PDE4D: variants seen among roughly 807,000 people sequenced by gnomAD.
PDE4D encodes the protein phosphodiesterase 4D, also known as 3',5'-cyclic-AMP phosphodiesterase 4D.
PDE4D carries 24 observed loss-of-function variants against 87.4 expected under a neutral mutation model. The ratio of observed to expected loss-of-function variants is 0.27; its 90% CI spans 0.20 to 0.39. The LOEUF is 0.39. Among genes scored for constraint, PDE4D ranks in the 10% least tolerant of loss-of-function variants. The probability of loss-of-function intolerance (pLI) is 1.00; values close to 1 mark genes in which losing one functional copy is unlikely to be tolerated. For missense variants in PDE4D, 714 were observed against 1,041.0 expected (o/e 0.69, Z 4.32); for synonymous variants, 384 against 383.2 (o/e 1.00, Z -0.02).
rs528280687 is a variant in PDE4D at position 60,186,629 on chromosome 5, T to A, written c.-89-942A>T. ...TGATATTGCAGGTTTAGGCTAATAG[T>A]GTAGGTGTAGGCTGATGCTAACAGC... is the stretch of plus-strand genomic sequence containing the variant. On this transcript the variant is annotated intron_variant, in intron 1 of 16. Coordinates refer to the PDE4D transcript ENST00000502484. Among the ~76,000 whole-genome samples, 152 of 152,152 alleles carry A rather than the reference T, an allele frequency of 1.0e-3. 1 individual carries two copies. Among genetic ancestry groups the A allele is most frequent in the Non-Finnish European group, 2.2e-4 (15 of 67,964 alleles).
chr5:59,022,811 T>C (rs569847916), intron 6 of PDE4D, among the ~76,000 whole-genome samples: 3 of 152,332 alleles, frequency 2.0e-5, no homozygotes, highest in Admixed American at 6.5e-5. Flanking sequence ...TTTGCTGAAA[T>C]TGCTCTTGCT....
chr5:59,798,368 T>C (rs1176700338), intron 1 of PDE4D, among the ~76,000 whole-genome samples: 1 of 152,082 alleles, frequency 6.6e-6, no homozygotes, highest in Non-Finnish European at 1.5e-5. Flanking sequence ...AAAAAATTTT[T>C]TTTAAAAGCT....
chr5:59,958,918 G>A (rs1037397732), intron 3 of PDE4D, among the ~76,000 whole-genome samples: 3 of 152,112 alleles, frequency 2.0e-5, no homozygotes, highest in Non-Finnish European at 4.4e-5. Flanking sequence ...CTTTGCTGAC[G>A]ATGTGATCCT....
chr5:58,999,678 T>A, intron 6 of PDE4D: 3 of 1,109,908 alleles, frequency 2.7e-6, no homozygotes, highest in Non-Finnish European at 3.3e-6. Context: ...GGTAATTAAG[T>A]ATACATAAGA....
rs1799030139 is a variant in PDE4D, at chr5:59,450,782, T to C, written c.456-234814A>G. 1.3e-5 allele frequency among the ~76,000 whole-genome samples: 2 copies of C among 152,270 alleles called. 1 individual carries two copies. Among genetic ancestry groups the C allele is most frequent in the East Asian group, 3.9e-4 (2 of 5,184 alleles). On this transcript the variant is annotated intron_variant, in intron 1 of 14. Coordinates refer to ENST00000340635, the MANE Select transcript of PDE4D (RefSeq NM_001104631.2). ...CCACAGTCATCATTTCCATTTTCCC[T>C]CCTGTTACCAACTCGGGCAAATCCT...
chr5:59,766,561 G>A (rs1762821029), intron 1 of PDE4D, among the ~76,000 whole-genome samples: 1 of 152,198 alleles, frequency 6.6e-6, no homozygotes, highest in South Asian at 2.1e-4. Context: ...TCAAACAGCT[G>A]AGTTGAGGGC....
chr5:59,770,019 G>A (rs539347604), intron 1 of PDE4D, among the ~76,000 whole-genome samples: 1 of 152,168 alleles, frequency 6.6e-6, no homozygotes, highest in African/African-American at 2.4e-5. Context: ...AGAAGGACAG[G>A]GTCAACCACT....
intron 1 of PDE4D, among the ~76,000 whole-genome samples, chr5:60,188,845 C>A (rs182028175): frequency 6.6e-6 from 1 of 152,182 alleles, no homozygotes; most frequent in Non-Finnish European, 1.5e-5. Context: ...TCAAAATCCA[C>A]GTTTTTGTCT....
At chr5:60,219,515 A>G (rs2149592610) in intron 1 of PDE4D, among the ~76,000 whole-genome samples, 1 of 152,312 alleles carries the variant, frequency 6.6e-6, no homozygotes, top group South Asian at 2.1e-4. Flanking sequence ...TACGTGGGAT[A>G]CACCTAAGTT....
intron 1 of PDE4D, among the ~76,000 whole-genome samples, chr5:59,570,329 T>C (rs1004337282): frequency 3.9e-5 from 6 of 152,186 alleles, no homozygotes; most frequent in Admixed American, 3.3e-4. Context: ...TGCATTCCCA[T>C]GAGAAATATT....
intron 1 of PDE4D, among the ~76,000 whole-genome samples, chr5:59,355,312 T>C (rs745378748): frequency 7.9e-5 from 12 of 152,238 alleles, no homozygotes; most frequent in Non-Finnish European, 1.6e-4. Context: ...GCTTAAACTC[T>C]GCATTTCGTG....
intron 3 of PDE4D, among the ~76,000 whole-genome samples, chr5:59,960,940 C>T (rs1759401529): frequency 1.3e-5 from 2 of 152,096 alleles, no homozygotes; most frequent in South Asian, 4.1e-4. Flanking sequence ...ATTTAAATTG[C>T]AGTGCTCTAA....
At chr5:59,275,696 T>C in intron 1 of PDE4D, 1 of 1,097,670 alleles carries the variant, frequency 9.1e-7, no homozygotes, top group Non-Finnish European at 1.1e-6. Context: ...TCTGAATTGA[T>C]TCTTCATCTG....
At chr5:59,159,675 C>G (rs188162340) in intron 5 of PDE4D, among the ~76,000 whole-genome samples, 13 of 152,300 alleles carry the variant, frequency 8.5e-5, no homozygotes. Flanking sequence ...CTTGTAGGAT[C>G]TTGTTCACTT....
intron 3 of PDE4D, among the ~76,000 whole-genome samples, chr5:59,943,250 G>C (rs1757372849): frequency 6.6e-6 from 1 of 151,742 alleles, no homozygotes; most frequent in Non-Finnish European, 1.5e-5. Context: ...GAGGGTAAGT[G>C]ATTAGTCCCA....
At chr5:59,737,230 G>A (rs1758193064) in intron 1 of PDE4D, among the ~76,000 whole-genome samples, 1 of 152,142 alleles carries the variant, frequency 6.6e-6, no homozygotes, top group African/African-American at 2.4e-5. Context: ...TCCTGGAAGT[G>A]AGGGCATTTG....
chr5:59,725,366 C>T (rs1756450910), intron 1 of PDE4D, among the ~76,000 whole-genome samples: 1 of 152,078 alleles, frequency 6.6e-6, no homozygotes, highest in Non-Finnish European at 1.5e-5. Flanking sequence ...CTAGGCATTA[C>T]ACCCAAGATA....
intron 2 of PDE4D, among the ~76,000 whole-genome samples, chr5:60,059,098 C>T (rs897591406): frequency 1.5e-5 from 2 of 135,054 alleles, no homozygotes; most frequent in African/African-American, 5.4e-5. Flanking sequence ...CATGTTATTT[C>T]TCCATTCTGT....
chr5:59,595,238 CTATT>C (rs1213864381), intron 1 of PDE4D, among the ~76,000 whole-genome samples: 13 of 152,102 alleles, frequency 8.5e-5, no homozygotes, highest in African/African-American at 2.2e-4. Context: ...TTTTGACAAT[CTATT>C]TATAAAATCT....
Sources: gnomAD v4.1 joint callset for allele counts (sites outside exome capture counted in the v4.1 genomes callset) on GRCh38, gnomAD v4.1.1 for gene constraint, MANE v1.5 for transcripts, NCBI Gene and HGNC (gene_info 2026-07-23, HGNC 2026-07-21) for gene names.